Variants in IL1RAPL2 observed in about 807,000 individuals in gnomAD.
The protein encoded by IL1RAPL2 is X-linked interleukin-1 receptor accessory protein-like 2.
A neutral mutation model predicts 44.1 loss-of-function variants in IL1RAPL2; 3 were observed. The ratio of observed to expected loss-of-function variants is 0.07; its 90% CI spans 0.03 to 0.18. IL1RAPL2 has a LOEUF of 0.18. IL1RAPL2 is among the 10% of genes least tolerant of loss of function. IL1RAPL2 has a pLI of 1.00. For missense variants in IL1RAPL2, 391 were observed against 496.4 expected (o/e 0.79, Z 2.02); for synonymous variants, 181 against 178.8 (o/e 1.01, Z -0.10).
chrX:105,431,384 C>T (rs1280843141), intron 5 of IL1RAPL2, among the ~76,000 whole-genome samples: 2 of 111,467 alleles, frequency 1.8e-5, no homozygotes, highest in Non-Finnish European at 3.8e-5. Flanking sequence ...AACTCAAACA[C>T]CAAAATGAAG....
intron 3 of IL1RAPL2, among the ~76,000 whole-genome samples, chrX:105,231,151 T>C (rs1603023859): frequency 8.9e-6 from 1 of 112,461 alleles, no homozygotes. Flanking sequence ...CAGAACACTT[T>C]GGATATCCAG....
intron 2 of IL1RAPL2, among the ~76,000 whole-genome samples, chrX:105,075,211 G>A (rs2032275094): frequency 9.0e-6 from 1 of 111,555 alleles, no homozygotes; most frequent in Admixed American, 9.5e-5. Flanking sequence ...TTTGAGATAT[G>A]TTCCATCAAT....
At chrX:105,410,625 CT>C (rs1235319878) in intron 5 of IL1RAPL2, among the ~76,000 whole-genome samples, 1 of 111,121 alleles carries the variant, frequency 9.0e-6, no homozygotes, top group Admixed American at 9.6e-5. Flanking sequence ...ACTCAAAGTA[CT>C]TAAAGAAAAA....
chrX:105,159,807 T>G (rs2033304874), intron 2 of IL1RAPL2, among the ~76,000 whole-genome samples: 1 of 111,911 alleles, frequency 8.9e-6, no homozygotes, highest in African/African-American at 3.3e-5. Context: ...ACATTTGGCT[T>G]AATCTGATAC....
At position 104,964,797 on chromosome X, in the gene IL1RAPL2, G is replaced by GT. The variant is rs80039868; in HGVS notation, c.83-230669dup. Among the ~76,000 whole-genome samples, 174 of 108,645 alleles carry GT rather than the reference G, an allele frequency of 1.6e-3. 2 individuals are homozygous for GT. The highest frequency in any genetic ancestry group is 2.5e-3 in the African/African-American group (74 of 29,838). 94.3% of individuals were successfully genotyped at this position (108,645 alleles called of 115,157 possible). A position where few individuals can be genotyped will look rare whatever the true frequency, so the allele number is the denominator to read the frequency against. ...GAAATACTGGGAAACATATAAAAAA[G>GT]TTTTTTTTTCTTTTTTTTTAAATCA... On this transcript the variant is annotated intron_variant, in intron 2 of 10. Transcript: ENST00000372582.
At chrX:105,683,647 A>G (rs1182362019) in intron 6 of IL1RAPL2, among the ~76,000 whole-genome samples, 1 of 112,005 alleles carries the variant, frequency 8.9e-6, no homozygotes, top group Non-Finnish European at 1.9e-5. Flanking sequence ...TTAGGAAGAA[A>G]CTACTCCTTT....
chrX:105,126,674 G>A (rs1205437717), intron 2 of IL1RAPL2, among the ~76,000 whole-genome samples: 1 of 111,060 alleles, frequency 9.0e-6, no homozygotes, highest in Non-Finnish European at 1.9e-5. Flanking sequence ...AATATAGCAG[G>A]TGAATCAAGG....
chrX:105,183,069 A>G (rs2033549123), intron 2 of IL1RAPL2, among the ~76,000 whole-genome samples: 1 of 110,591 alleles, frequency 9.0e-6, no homozygotes, highest in Non-Finnish European at 1.9e-5. Context: ...TGGCGAGTGG[A>G]GGGTGGTGTT....
intron 5 of IL1RAPL2, among the ~76,000 whole-genome samples, chrX:105,476,707 C>T (rs1462984154): frequency 2.7e-5 from 3 of 112,125 alleles, no homozygotes; most frequent in African/African-American, 9.7e-5. Flanking sequence ...GAAGTAATAA[C>T]AAGCTGAAAT....
intron 2 of IL1RAPL2, among the ~76,000 whole-genome samples, chrX:105,075,809 G>A (rs1031272191): frequency 8.9e-6 from 1 of 111,949 alleles, no homozygotes; most frequent in Non-Finnish European, 1.9e-5. Flanking sequence ...ATTTCTTGTA[G>A]ATTTTCTAGT....
intron 10 of IL1RAPL2, 45 bp downstream of exon 10, chrX:105,755,392 A>G (rs1198066777): frequency 3.0e-6 from 3 of 997,288 alleles, no homozygotes; most frequent in Non-Finnish European, 2.8e-6. Context: ...TGTTTCTTTT[A>G]GGATGTTATG....
At chrX:104,710,082 CT>C (rs919522567) in intron 2 of IL1RAPL2, among the ~76,000 whole-genome samples, 1 of 111,204 alleles carries the variant, frequency 9.0e-6, no homozygotes, top group African/African-American at 3.3e-5. Context: ...TTGGCAGTTT[CT>C]CAAAAGGTTA....
chrX:105,485,318 A>G (rs970225417), intron 6 of IL1RAPL2, among the ~76,000 whole-genome samples: 6 of 111,252 alleles, frequency 5.4e-5, no homozygotes, highest in African/African-American at 2.0e-4. Context: ...TTAATTTTTA[A>G]TTATTGTGGG....
At chrX:104,922,296 C>T (rs1924665722) in intron 2 of IL1RAPL2, among the ~76,000 whole-genome samples, 1 of 113,333 alleles carries the variant, frequency 8.8e-6, no homozygotes, top group Admixed American at 9.3e-5. Context: ...CAGCAAACTG[C>T]ATGACCCATC....
intron 2 of IL1RAPL2, among the ~76,000 whole-genome samples, chrX:104,805,909 T>C (rs1012829492): frequency 3.6e-5 from 4 of 111,727 alleles, no homozygotes; most frequent in African/African-American, 1.3e-4. Context: ...AGTTCAAATC[T>C]TTTTGAACCT....
intron 5 of IL1RAPL2, among the ~76,000 whole-genome samples, chrX:105,272,071 G>T (rs1004859727): frequency 1.0e-5 from 1 of 99,755 alleles, no homozygotes; most frequent in Non-Finnish European, 2.0e-5. Flanking sequence ...TCATAGGTGG[G>T]AATTGAACAA....
chrX:105,053,572 G>C (rs1162588155), intron 2 of IL1RAPL2, among the ~76,000 whole-genome samples: 1 of 111,061 alleles, frequency 9.0e-6, no homozygotes, highest in Non-Finnish European at 1.9e-5. Context: ...ACAGAGTCTA[G>C]AACCTCCTCC....
At chrX:105,040,560 C>T (rs1312895909) in intron 2 of IL1RAPL2, among the ~76,000 whole-genome samples, 1 of 110,339 alleles carries the variant, frequency 9.1e-6, no homozygotes, top group East Asian at 2.8e-4. Flanking sequence ...AATTTCAGAT[C>T]CTGTTATTGG....
intron 3 of IL1RAPL2, among the ~76,000 whole-genome samples, chrX:105,232,579 C>T (rs1261958457): frequency 8.9e-6 from 1 of 112,123 alleles, no homozygotes; most frequent in East Asian, 2.8e-4. Flanking sequence ...CTGATTTCTT[C>T]CTCACACTTT....
Sources: allele counts gnomAD v4.1 joint callset (sites outside exome capture counted in the v4.1 genomes callset), GRCh38; gene constraint gnomAD v4.1.1; transcripts MANE v1.5; gene names NCBI Gene and HGNC (gene_info 2026-07-23, HGNC 2026-07-21).